CAMTA1: variants seen among roughly 807,000 people sequenced by gnomAD.
CAMTA1 encodes calmodulin-binding transcription activator 1.
Under a neutral mutation model 170.9 loss-of-function variants are expected in CAMTA1, and 27 were observed. The observed-to-expected ratio is 0.16, with a 90% CI of 0.12 to 0.22. The LOEUF (loss-of-function observed/expected upper bound fraction) is 0.22, where lower values mean the gene tolerates loss of function less well. CAMTA1 is among the 10% of genes least tolerant of loss of function. The pLI, the probability that CAMTA1 is intolerant of heterozygous loss-of-function variation, is 1.00. For missense variants in CAMTA1, 1,619 were observed against 2,217.2 expected, an observed-to-expected ratio of 0.73 and a Z score of 5.42; for synonymous variants, 833 against 891.5, an observed-to-expected ratio of 0.93 and a Z score of 1.17.
chr1:7,385,821 GC>G (rs922405847), intron 5 of CAMTA1, among the ~76,000 whole-genome samples: 2 of 152,192 alleles, frequency 1.3e-5, no homozygotes, highest in Non-Finnish European at 2.9e-5. Context: ...TGGCCTCCCA[GC>G]ACTGGGCGCC....
rs986755619 is a variant in CAMTA1, at chr1:7,090,543, A to G, written c.235-761A>G. On this transcript the variant is annotated intron_variant, in intron 3 of 22. Coordinates refer to ENST00000303635, the MANE Select transcript of CAMTA1 (RefSeq NM_015215.4). ...GGAGGTGGAAGTAATGGGCCATATC[A>G]TGCCTCGAGCTGGAGCAATGACTTA... Among the ~76,000 whole-genome samples the G allele has an allele frequency of 3.9e-5, 6 of 152,220 alleles. No individual in the cohort carries two copies. In the East Asian group the frequency reaches 1.2e-3, roughly 29 times the overall value.
rs572786494 is a variant in CAMTA1 at position 7,076,438 on chromosome 1, C to T, written c.235-14866C>T. Among the ~76,000 whole-genome samples, 20 of 152,232 alleles carry T rather than the reference C, an allele frequency of 1.3e-4. No homozygotes were observed. The South Asian group carries it at 3.1e-3, about 24-fold the overall frequency. On this transcript the variant is annotated intron_variant, in intron 3 of 22. Transcript: ENST00000303635. ...TCAGGTGACACAATATGAGCTTTTG[C>T]GCTCCTTATCTTTCATCTTACTCCT...
At chr1:7,141,100 C>T (rs1043807237) in intron 4 of CAMTA1, among the ~76,000 whole-genome samples, 1 of 152,110 alleles carries the variant, frequency 6.6e-6, no homozygotes, top group Non-Finnish European at 1.5e-5. Context: ...CTCTGCAGGC[C>T]AAAGGGTAGC....
At chr1:7,031,431 AT>A (rs1402662194) in intron 3 of CAMTA1, among the ~76,000 whole-genome samples, 1 of 152,108 alleles carries the variant, frequency 6.6e-6, no homozygotes, top group African/African-American at 2.4e-5. Context: ...TTGCAATGGT[AT>A]ATCTTCTTCC....
At chr1:7,690,456 G>T (rs2096298098) in intron 11 of CAMTA1, among the ~76,000 whole-genome samples, 1 of 152,172 alleles carries the variant, frequency 6.6e-6, no homozygotes, top group African/African-American at 2.4e-5. Flanking sequence ...TGTGGGCAAG[G>T]AACTCTACCC....
At chr1:7,692,473 A>G (rs2096327605) in intron 11 of CAMTA1, among the ~76,000 whole-genome samples, 2 of 152,122 alleles carry the variant, frequency 1.3e-5, no homozygotes, top group South Asian at 4.1e-4. Context: ...ACCCTCTGTA[A>G]TGCCCCTGAC....
At chr1:6,963,148 C>G (rs577823940) in intron 3 of CAMTA1, among the ~76,000 whole-genome samples, 1 of 151,728 alleles carries the variant, frequency 6.6e-6, no homozygotes, top group South Asian at 2.1e-4. Context: ...TCCATTTTGA[C>G]CCAGCTCCTT....
chr1:7,125,715 A>G (rs1558136250), intron 4 of CAMTA1, among the ~76,000 whole-genome samples: 4 of 152,150 alleles, frequency 2.6e-5, no homozygotes, highest in African/African-American at 7.2e-5. Flanking sequence ...CAGGAGCAGC[A>G]TGTAGGGTGA....
chr1:7,103,884 T>C (rs994092212), intron 4 of CAMTA1, among the ~76,000 whole-genome samples: 1 of 134,964 alleles, frequency 7.4e-6, no homozygotes, highest in African/African-American at 2.9e-5. Context: ...ACTACACACA[T>C]GTACACACAA....
chr1:7,260,367 C>A (rs1667989781), intron 5 of CAMTA1, among the ~76,000 whole-genome samples: 1 of 152,228 alleles, frequency 6.6e-6, no homozygotes, highest in Non-Finnish European at 1.5e-5. Flanking sequence ...GTTAGGGTTT[C>A]TTCTTTAATG....
intron 5 of CAMTA1, among the ~76,000 whole-genome samples, chr1:7,338,356 G>A (rs2083550562): frequency 1.3e-5 from 2 of 152,196 alleles, no homozygotes; most frequent in Admixed American, 6.5e-5. Context: ...GCCGGGACAC[G>A]GCTGGCACAA....
In CAMTA1 at chr1:7,007,878, C is replaced by A. The variant is rs533985856; in HGVS notation, c.235-83426C>A. 6.6e-6 allele frequency among the ~76,000 whole-genome samples: 1 copy of A among 152,304 alleles called. No individual in the cohort carries two copies. The highest frequency in any genetic ancestry group is 1.9e-4 in the East Asian group (1 of 5,170). On this transcript the variant is annotated intron_variant, in intron 3 of 22. Transcript: ENST00000303635. The surrounding 1 kb of genome is among the most constrained non-coding windows in gnomAD (Gnocchi z 4.5). ...GCACTCAATGGTTGTAAACTGTATC[C>A]ACCTACAAAGCCCCTAGAGCTTGTG... is the stretch of plus-strand genomic sequence containing the variant.
chr1:7,149,418 T>C (rs1342689625), intron 4 of CAMTA1, among the ~76,000 whole-genome samples: 1 of 152,184 alleles, frequency 6.6e-6, no homozygotes, highest in Non-Finnish European at 1.5e-5. Context: ...TGCCATCAAA[T>C]GTAGCAGAAA....
At chr1:7,418,137 C>G (rs1160267086) in intron 5 of CAMTA1, among the ~76,000 whole-genome samples, 1 of 152,062 alleles carries the variant, frequency 6.6e-6, no homozygotes, top group Non-Finnish European at 1.5e-5. Context: ...AGGATCTTTT[C>G]TCCCCGCTCT....
At chr1:7,096,468 G>A (rs1199311859) in intron 4 of CAMTA1, among the ~76,000 whole-genome samples, 4 of 152,086 alleles carry the variant, frequency 2.6e-5, no homozygotes, top group African/African-American at 4.8e-5. Flanking sequence ...CCTGCATGAC[G>A]TATTATGATC....
chr1:7,748,340 G>A lies in CAMTA1; in HGVS notation c.4689+559G>A, dbSNP rs902419590. On this transcript the variant is annotated intron_variant, in intron 19 of 22. Transcript: ENST00000303635. This position sits in a 1 kb window ranked among gnomAD's most constrained non-coding sequence, Gnocchi z 4.7. ...AGCTCCTCAAGAGGCTGAGGCCGGA[G>A]GATCTTCTTGAACCCAGGTGTTGAT... Among the ~76,000 whole-genome samples, 1 of 152,188 alleles carries A rather than the reference G, an allele frequency of 6.6e-6. No homozygotes were observed. The highest frequency in any genetic ancestry group is 2.4e-5 in the African/African-American group (1 of 41,454).
chr1:6,864,940 G>A (rs1372391352), intron 3 of CAMTA1, among the ~76,000 whole-genome samples: 2 of 152,224 alleles, frequency 1.3e-5, no homozygotes, highest in African/African-American at 2.4e-5. Flanking sequence ...TGCTTGATAA[G>A]TATTTGTTGA....
chr1:6,881,101 A>G (rs961411945), intron 3 of CAMTA1, among the ~76,000 whole-genome samples: 1 of 152,216 alleles, frequency 6.6e-6, no homozygotes. Flanking sequence ...TCAGTGTCAC[A>G]TAGCTAGTAA....
intron 3 of CAMTA1, among the ~76,000 whole-genome samples, chr1:6,880,084 A>G: frequency 6.6e-6 from 1 of 151,218 alleles, no homozygotes; most frequent in South Asian, 2.1e-4. Context: ...AATTTTATTT[A>G]TTTTTTATAT....
Sources: gnomAD v4.1 joint callset for allele counts (sites outside exome capture counted in the v4.1 genomes callset) on GRCh38, gnomAD v4.1.1 for gene constraint, Gnocchi (gnomAD v3.1) non-coding constraint, MANE v1.5 for transcripts, NCBI Gene and HGNC (gene_info 2026-07-23, HGNC 2026-07-21) for gene names.